The following ZCCHC14 variants were observed in gnomAD, a reference collection of about 807,000 sequenced individuals.
ZCCHC14 encodes the protein zinc finger CCHC-type containing 14.
ZCCHC14 carries 16 observed loss-of-function variants against 85.0 expected under a neutral mutation model. The observed-to-expected ratio is 0.19, with a 90% CI of 0.13 to 0.29. The LOEUF (loss-of-function observed/expected upper bound fraction) is 0.29, where lower values mean the gene tolerates loss of function less well. Ranked by LOEUF, ZCCHC14 falls within the 10% of genes least tolerant of loss-of-function variation. ZCCHC14 has a pLI of 1.00. For synonymous variants in ZCCHC14, 775 were observed against 630.7 expected (o/e 1.23, Z -3.43); for missense variants, 1,303 against 1,443.5 (o/e 0.90, Z 1.58).
chr16:87,465,333 G>A (rs1911468802), intron 1 of ZCCHC14, among the ~76,000 whole-genome samples: 2 of 152,340 alleles, frequency 1.3e-5, no homozygotes, highest in South Asian at 4.1e-4. Context: ...AAATTTTAAT[G>A]AAATTCAGAA....
At chr16:87,431,407 A>G (rs768375005) in intron 3 of ZCCHC14, among the ~76,000 whole-genome samples, 8 of 143,950 alleles carry the variant, frequency 5.6e-5, no homozygotes, top group Non-Finnish European at 1.2e-4. Flanking sequence ...CGGGAGGCGG[A>G]GCTTACAGTG....
chr16:87,414,215 C>A (rs113591003), intron 10 of ZCCHC14, among the ~76,000 whole-genome samples, 199 bp downstream of exon 10: 1 of 140,182 alleles, frequency 7.1e-6, no homozygotes, highest in East Asian at 2.1e-4. Flanking sequence ...TCTCTGTGTA[C>A]GAGTAACCCA....
At chr16:87,418,142 G>A (rs563699186) in intron 7 of ZCCHC14, among the ~76,000 whole-genome samples, 5 of 151,794 alleles carry the variant, frequency 3.3e-5, no homozygotes, top group Non-Finnish European at 7.4e-5. Context: ...ATGCTACTCC[G>A]ATAGGTATTT....
intron 2 of ZCCHC14, among the ~76,000 whole-genome samples, chr16:87,434,636 C>A (rs746879994): frequency 6.6e-6 from 1 of 152,252 alleles, no homozygotes; most frequent in East Asian, 1.9e-4. Flanking sequence ...CCAGAGCCCT[C>A]TCCACGGGCG....
chr16:87,446,174 A>G (rs1327421102), intron 2 of ZCCHC14, among the ~76,000 whole-genome samples: 1 of 151,876 alleles, frequency 6.6e-6, no homozygotes, highest in African/African-American at 2.4e-5. Context: ...TCTCAAAAAA[A>G]AAAAAAAAAA....
rs1264537447 is a variant in ZCCHC14 at position 87,412,801 on chromosome 16, G to A, written c.1920C>T (p.His640=). 6.2e-7 allele frequency: 1 copy of A among 1,612,772 alleles called. No homozygotes were observed. ...AATTCAGCATGCGGATGGGTGTGAT[G>A]TGTGAGGCTGCGCTCAGCATCTGCG... is the stretch of plus-strand genomic sequence containing the variant. The part of the protein sequence containing the change: ...LPPQMLSAAS[H]ITPIRMLNSV... Residue 640 remains histidine (H), a synonymous_variant, in exon 12 of 13, where the codon CAC becomes CAT. Coordinates refer to ENST00000671377, the MANE Select transcript of ZCCHC14 (RefSeq NM_015144.3).
intron 1 of ZCCHC14, among the ~76,000 whole-genome samples, chr16:87,470,020 G>A (rs1250232431): frequency 6.6e-6 from 1 of 152,010 alleles, no homozygotes; most frequent in Non-Finnish European, 1.5e-5. Flanking sequence ...CAGGAGGATC[G>A]CTTGAGCCCA....
At position 87,415,242 on chromosome 16, in the gene ZCCHC14, T is replaced by C. The variant is rs750179160; in HGVS notation, c.1475+34A>G. 5.6e-6 allele frequency: 9 copies of C among 1,602,882 alleles called. No homozygotes were observed. In the East Asian group the frequency reaches 1.3e-4, roughly 24 times the overall value. ...CCATTCGGCACACGAGAAATGGAAA[T>C]AAACACAGGTTTCAAAACCCACTTC... On this transcript the variant is annotated intron_variant, in intron 9 of 12. Transcript: ENST00000671377.
Position 87,412,351 on chromosome 16 carries a change from C to A in ZCCHC14, c.2370G>T (p.Gly790=). Residue 790 remains glycine, a synonymous_variant, in exon 12 of 13, where the codon GGG becomes GGT. Coordinates refer to ENST00000671377, the MANE Select transcript of ZCCHC14 (RefSeq NM_015144.3). The stretch of plus-strand genomic sequence containing the variant: ...GCACATTATTAGGACAGGAAGTTTG[C>A]CCAGAAATGGCAGAATCAGCAGGAA... The part of the protein sequence containing the change: ...SSVPADSAIS[G]QTSCPNNVQI... 5.0e-6 allele frequency: 8 copies of A among 1,614,072 alleles called. No homozygotes were observed. Among genetic ancestry groups the A allele is most frequent in the Non-Finnish European group, 6.8e-6 (8 of 1,180,048 alleles).
In ZCCHC14 at chr16:87,492,275, G is replaced by T. The variant is rs1281736400; in HGVS notation, c.-37C>A. The T allele has an allele frequency of 5.1e-6, 5 of 977,588 alleles. No homozygotes were observed. In the South Asian group the frequency reaches 2.4e-4, roughly 46 times the overall value. The allele number at this position is 977,588 out of a possible 1,614,324, so 60.6% of individuals were successfully genotyped here. On this transcript the variant is annotated 5_prime_UTR_variant, in exon 1 of 13. Coordinates refer to ENST00000671377, the MANE Select transcript of ZCCHC14 (RefSeq NM_015144.3). This position sits in a 1 kb window ranked among gnomAD's most constrained non-coding sequence, Gnocchi z 6.7. ...CGCCGCGCCGCGACCCGGGGCCGGG[G>T]ACCGCGCGGGGGCGGCCGGGGGGCG... is the stretch of plus-strand genomic sequence containing the variant.
At chr16:87,487,100 C>G (rs1469753026) in intron 1 of ZCCHC14, among the ~76,000 whole-genome samples, 5 of 152,234 alleles carry the variant, frequency 3.3e-5, no homozygotes, top group Non-Finnish European at 7.3e-5. Flanking sequence ...AAAGCTGTTG[C>G]TGATCTTTGG....
intron 2 of ZCCHC14, among the ~76,000 whole-genome samples, chr16:87,445,840 A>C (rs1376737517): frequency 2.0e-5 from 3 of 152,222 alleles, no homozygotes; most frequent in Non-Finnish European, 4.4e-5. Flanking sequence ...AAATTAAATA[A>C]TGATTGTTGA....
intron 1 of ZCCHC14, among the ~76,000 whole-genome samples, chr16:87,482,941 C>G (rs1597455191): frequency 6.6e-6 from 1 of 151,878 alleles, no homozygotes; most frequent in East Asian, 1.9e-4. Context: ...ATGCACAATA[C>G]ATGCATATGT....
intron 2 of ZCCHC14, among the ~76,000 whole-genome samples, chr16:87,448,817 T>C (rs1311413046): frequency 6.6e-6 from 1 of 152,242 alleles, no homozygotes; most frequent in Non-Finnish European, 1.5e-5. Context: ...CTGTGTACTT[T>C]GCAGTAGTCT....
In ZCCHC14 at chr16:87,419,790, C is replaced by T; in HGVS notation, c.1038G>A (p.Gln346=). 1 of 1,601,922 alleles carries T rather than the reference C, an allele frequency of 6.2e-7. No homozygotes were observed. Among genetic ancestry groups the T allele is most frequent in the Non-Finnish European group, 8.5e-7 (1 of 1,176,016 alleles). Residue 346 remains glutamine, a synonymous_variant, in exon 6 of 13, where the codon CAG becomes CAA. Coordinates refer to ENST00000671377, the MANE Select transcript of ZCCHC14 (RefSeq NM_015144.3). The part of the protein sequence containing the change: ...LSTSSPPQQL[Q]SPSPGNPSLS... ...CATATTTTACAAACTCACTTGGACT[C>T]TGAAGCTGCTGTGGGGGAGAGGAAG...
intron 12 of ZCCHC14, among the ~76,000 whole-genome samples, chr16:87,410,838 TCA>T (rs1908396752): frequency 6.6e-6 from 1 of 152,160 alleles, no homozygotes; most frequent in Admixed American, 6.5e-5. Flanking sequence ...GGTCTGAGAA[TCA>T]CAGATCTAGT....
Position 87,420,760 on chromosome 16 carries a change from C to A in ZCCHC14, c.841-44G>T. The A allele has an allele frequency of 6.6e-7, 1 of 1,511,396 alleles. No individual in the cohort carries two copies. Among genetic ancestry groups the A allele is most frequent in the South Asian group, 1.2e-5 (1 of 81,756 alleles). 93.6% of individuals were successfully genotyped at this position (1,511,396 alleles called of 1,614,324 possible). A position where few individuals can be genotyped will look rare whatever the true frequency, so the allele number is the denominator to read the frequency against. ...TAGAGGAGGTGTGTCCAGACCCATC[C>A]AACACCAGCAGAATTCTGCTACTGC... On this transcript the variant is annotated intron_variant, in intron 4 of 12. Transcript: ENST00000671377. This position sits in a 1 kb window ranked among gnomAD's most constrained non-coding sequence, Gnocchi z 5.0.
intron 10 of ZCCHC14, among the ~76,000 whole-genome samples, chr16:87,413,830 C>T (rs909298316): frequency 4.0e-5 from 6 of 149,404 alleles, no homozygotes; most frequent in Non-Finnish European, 5.9e-5. Context: ...GGGGGGTGGG[C>T]GCAGGCTACT....
At chr16:87,485,943 A>G (rs1315807234) in intron 1 of ZCCHC14, among the ~76,000 whole-genome samples, 1 of 152,216 alleles carries the variant, frequency 6.6e-6, no homozygotes, top group African/African-American at 2.4e-5. Flanking sequence ...TTATCTTCGC[A>G]CTTGAACAAA....
Sources: gnomAD v4.1 joint callset for allele counts (sites outside exome capture counted in the v4.1 genomes callset) on GRCh38, gnomAD v4.1.1 for gene constraint, Gnocchi (gnomAD v3.1) non-coding constraint, MANE v1.5 for transcripts, NCBI Gene and HGNC (gene_info 2026-07-23, HGNC 2026-07-21) for gene names.